Variants in BEND3 observed in about 807,000 individuals in gnomAD.
BEND3 encodes the protein BEN domain-containing protein 3.
BEND3 carries 13 observed loss-of-function variants against 60.1 expected under a neutral mutation model. That is an observed-to-expected ratio of 0.22 (90% CI 0.14 to 0.34). The LOEUF (loss-of-function observed/expected upper bound fraction) is 0.34. Ranked by LOEUF, BEND3 falls within the 10% of genes least tolerant of loss-of-function variation. The pLI is 1.00. For missense variants in BEND3, 896 were observed against 1,138.1 expected, an observed-to-expected ratio of 0.79 and a Z score of 3.06; for synonymous variants, 497 against 491.5, an observed-to-expected ratio of 1.01 and a Z score of -0.15.
At chr6:107,097,726 G>T (rs576071319) in intron 3 of BEND3, among the ~76,000 whole-genome samples, 1 of 138,418 alleles carries the variant, frequency 7.2e-6, no homozygotes, top group East Asian at 2.3e-4. Flanking sequence ...GGAGGCAGAG[G>T]TTGCTGTGAG....
At chr6:107,094,602 C>T (rs1329454134) in intron 3 of BEND3, among the ~76,000 whole-genome samples, 4 of 150,576 alleles carry the variant, frequency 2.7e-5, no homozygotes, top group African/African-American at 7.3e-5. Context: ...GCCTGGGCAA[C>T]AAGAGCAAAA....
At chr6:107,083,171 A>C (rs1436654447) in intron 3 of BEND3, among the ~76,000 whole-genome samples, 8 of 152,226 alleles carry the variant, frequency 5.3e-5, no homozygotes, top group Admixed American at 5.2e-4. Flanking sequence ...ACAGCAGATC[A>C]CAGATCAGAT....
At chr6:107,079,718 C>T (rs141974289) in intron 3 of BEND3, among the ~76,000 whole-genome samples, 11 of 152,286 alleles carry the variant, frequency 7.2e-5, no homozygotes, top group African/African-American at 1.2e-4. Context: ...GATAATCTCA[C>T]CCCAGTAACA....
Position 107,070,402 on chromosome 6 carries a change from C to A in BEND3, c.789G>T (p.Gly263=), listed in dbSNP as rs549244468. 4 of 1,613,940 alleles carry A rather than the reference C, an allele frequency of 2.5e-6. No individual in the cohort carries two copies. Among genetic ancestry groups the A allele is most frequent in the South Asian group, 1.1e-5 (1 of 91,074 alleles). ...CCAGCAAGCGGCAGGCCAGGTCCCC[C>A]CCTGACAGGCTCTGGTCCACGATCT... ...LKQIVDQSLS[G]GDLACRLLVQ... Residue 263 remains glycine, a synonymous_variant, in exon 4 of 4, where the codon GGG becomes GGT. Coordinates refer to ENST00000369042, the MANE Select transcript of BEND3 (RefSeq NM_001367314.1). This position sits in a 1 kb window ranked among gnomAD's most constrained non-coding sequence, Gnocchi z 6.9.
Position 107,069,931 on chromosome 6 carries a change from G to C in BEND3, c.1260C>G (p.Pro420=), listed in dbSNP as rs149382166. ...CCAGCTTGCGGTGGTCGAAGAGCTCGGGGAAGAGCCGGTGGAGGAGGAAGA... is the reference window on the plus strand; with the variant it reads ...CCAGCTTGCGGTGGTCGAAGAGCTCCGGGAAGAGCCGGTGGAGGAGGAAGA... ...FAVFLLHRLF[P]ELFDHRKLGE... is the part of the protein sequence containing the mutation. The change falls in exon 4 of 4, where the codon CCC becomes CCG. Residue 420 remains proline, a synonymous_variant. Coordinates refer to ENST00000369042, the MANE Select transcript of BEND3 (RefSeq NM_001367314.1). The C allele has an allele frequency of 6.2e-7, 1 of 1,613,804 alleles. No individual in the cohort carries two copies. Among genetic ancestry groups the C allele is most frequent in the Non-Finnish European group, 8.5e-7 (1 of 1,180,042 alleles).
chr6:107,110,484 G>A (rs4946812), intron 1 of BEND3, among the ~76,000 whole-genome samples: 40,507 of 151,992 alleles, frequency 0.27, 5,875 homozygotes, highest in Non-Finnish European at 0.32. Flanking sequence ...CAAATTTGGA[G>A]AAGGAAAGAG....
At chr6:107,092,332 T>C (rs937926994) in intron 3 of BEND3, among the ~76,000 whole-genome samples, 2 of 151,736 alleles carry the variant, frequency 1.3e-5, no homozygotes, top group Admixed American at 6.6e-5. Flanking sequence ...CATTTAAAAA[T>C]CAGTTAATGA....
intron 3 of BEND3, among the ~76,000 whole-genome samples, chr6:107,086,868 T>C (rs1422952399): frequency 6.6e-6 from 1 of 150,448 alleles, no homozygotes; most frequent in Non-Finnish European, 1.5e-5. Flanking sequence ...CTACTAAAAC[T>C]ACAAAAATAA....
At position 107,070,178 on chromosome 6, in the gene BEND3, C is replaced by A. The variant is rs782223733; in HGVS notation, c.1013G>T (p.Arg338Leu). ...CLPQLNDFFS[R>L]FWAQREMEDS... ...CTCCATTTCCCGCTGGGCCCAGAAG[C>A]GGCTGAAGAAGTCGTTCAGCTGGGG... is the stretch of plus-strand genomic sequence containing the variant. Residue 338 changes from arginine to leucine, a missense_variant, in exon 4 of 4, where the codon CGC becomes CTC. Arg to Leu is a moderately radical substitution (Grantham distance 102). Around this residue, in one of 4 missense-constraint regions of BEND3, gnomAD observed 846 missense variants for 1,036.7 expected, o/e 0.82. Coordinates refer to ENST00000369042, the MANE Select transcript of BEND3 (RefSeq NM_001367314.1). This position sits in a 1 kb window ranked among gnomAD's most constrained non-coding sequence, Gnocchi z 6.9. 6.2e-7 allele frequency: 1 copy of A among 1,612,886 alleles called. No homozygotes were observed. Among genetic ancestry groups the A allele is most frequent in the Non-Finnish European group, 8.5e-7 (1 of 1,179,916 alleles).
In BEND3 at chr6:107,115,235, G is replaced by T; in HGVS notation, c.-157C>A. On this transcript the variant is annotated 5_prime_UTR_variant, in exon 1 of 4. Transcript: ENST00000369042. Reference sequence around the variant, plus strand: ...CGGGGAGGCGCTGGGGGCGGCGGGCGGGCGAGCGCCGTGTATTTTCCCCTC... The same window carrying T: ...CGGGGAGGCGCTGGGGGCGGCGGGCTGGCGAGCGCCGTGTATTTTCCCCTC... 2 of 149,950 alleles carry T rather than the reference G, an allele frequency of 1.3e-5. No individual in the cohort carries two copies. Among genetic ancestry groups the T allele is most frequent in the South Asian group, 3.7e-4 (2 of 5,424 alleles). 9.3% of individuals were successfully genotyped at this position (149,950 alleles called of 1,614,324 possible). A position where few individuals can be genotyped will look rare whatever the true frequency, so the allele number is the denominator to read the frequency against.
At chr6:107,085,169 G>A (rs1308772556) in intron 3 of BEND3, among the ~76,000 whole-genome samples, 3 of 152,174 alleles carry the variant, frequency 2.0e-5, no homozygotes, top group African/African-American at 7.2e-5. Flanking sequence ...CACTCCTGAA[G>A]TCAGCGAGAC....
chr6:107,073,224 T>TGTGTGAGC, intron 3 of BEND3, among the ~76,000 whole-genome samples: 1 of 10,610 alleles, frequency 9.4e-5, no homozygotes, highest in African/African-American at 3.4e-4. Context: ...TATATATATA[T>TGTGTGAGC]ATATATATAT....
rs139302974 is a variant in BEND3, at chr6:107,102,506, G to C, written c.-11-3210C>G. ...CCAGAGGGCTCATGCAGCTGAGGTG[G>C]GAGGAAGGGGTGCTGGTGCGGCTGC... On this transcript the variant is annotated intron_variant, in intron 1 of 3. Coordinates refer to ENST00000369042, the MANE Select transcript of BEND3 (RefSeq NM_001367314.1). 6.9e-3 allele frequency among the ~76,000 whole-genome samples: 1,050 copies of C among 152,262 alleles called. 6 individuals are homozygous for C. The highest frequency in any genetic ancestry group is 0.016 in the South Asian group (76 of 4,826).
chr6:107,106,572 TG>T (rs1775819246), intron 1 of BEND3, among the ~76,000 whole-genome samples: 1 of 152,190 alleles, frequency 6.6e-6, no homozygotes, highest in Admixed American at 6.5e-5. Flanking sequence ...TGGAGTCAGA[TG>T]GAACTGCATG....
At chr6:107,098,829 A>C in intron 2 of BEND3, 76 bp from the exon 3 acceptor site, 1 of 1,337,298 alleles carries the variant, frequency 7.5e-7, no homozygotes, top group Non-Finnish European at 1.1e-6. Flanking sequence ...TCTGAGCAGC[A>C]GGGTGTCTGT....
intron 3 of BEND3, among the ~76,000 whole-genome samples, chr6:107,073,558 C>T (rs772117429): frequency 9.2e-5 from 14 of 152,058 alleles, no homozygotes; most frequent in East Asian, 3.9e-4. Context: ...GTCAACCACA[C>T]GTGAATAAAG....
intron 1 of BEND3, among the ~76,000 whole-genome samples, chr6:107,099,773 G>A (rs949401791): frequency 5.9e-5 from 9 of 152,090 alleles, no homozygotes; most frequent in Non-Finnish European, 1.2e-4. Context: ...GGCTACCAAG[G>A]ACTCAAAATG....
chr6:107,111,960 C>A (rs1020121888), intron 1 of BEND3, among the ~76,000 whole-genome samples: 8 of 147,800 alleles, frequency 5.4e-5, no homozygotes, highest in African/African-American at 2.1e-4. Flanking sequence ...CCAGCCTGGG[C>A]ACCAGAGTGA....
chr6:107,092,320 A>G (rs1341844516), intron 3 of BEND3, among the ~76,000 whole-genome samples: 4 of 152,192 alleles, frequency 2.6e-5, no homozygotes, highest in African/African-American at 4.8e-5. Flanking sequence ...AAAGGGGTTC[A>G]TCATTTAAAA....
Sources: allele counts gnomAD v4.1 joint callset (sites outside exome capture counted in the v4.1 genomes callset), GRCh38; gene constraint gnomAD v4.1.1; regional missense constraint gnomAD v4.1.1; non-coding constraint Gnocchi (gnomAD v3.1); transcripts MANE v1.5; gene names NCBI Gene and HGNC (gene_info 2026-07-23, HGNC 2026-07-21).